Variants in PREX1 observed in about 807,000 individuals in gnomAD.
PREX1 encodes the protein phosphatidylinositol-3,4,5-trisphosphate dependent Rac exchange factor 1, also known as phosphatidylinositol 3,4,5-trisphosphate-dependent Rac exchanger 1 protein.
A neutral mutation model predicts 198.3 loss-of-function variants in PREX1; 41 were observed. That is an observed-to-expected ratio of 0.21 (90% CI 0.16 to 0.27). PREX1 has a LOEUF of 0.27. PREX1 is among the 10% of genes least tolerant of loss of function. PREX1 has a pLI of 1.00. For synonymous variants in PREX1, 843 were observed against 887.2 expected (o/e 0.95, Z 0.89); for missense variants, 1,620 against 2,200.7 (o/e 0.74, Z 5.28).
intron 39 of PREX1, among the ~76,000 whole-genome samples, chr20:48,627,150 A>C (rs1454850036): frequency 6.6e-6 from 1 of 152,008 alleles, no homozygotes; most frequent in African/African-American, 2.4e-5. Flanking sequence ...CAGAATTCTT[A>C]ATTCCACCCC....
In PREX1 at chr20:48,624,894, C is replaced by CTACTCTTTGTAGA. The variant is rs1238760152; in HGVS notation, c.*990_*991insTCTACAAAGAGTA. The CTACTCTTTGTAGA allele has an allele frequency of 1.3e-5, 2 of 152,296 alleles. No individual in the cohort carries two copies. Among genetic ancestry groups the CTACTCTTTGTAGA allele is most frequent in the African/African-American group, 4.8e-5 (2 of 41,462 alleles). The allele number at this position is 152,296 out of a possible 1,614,324, so 9.4% of individuals were successfully genotyped here. A position where few individuals can be genotyped will look rare whatever the true frequency, so the allele number is the denominator to read the frequency against. ...CACCTCTCAGGCCCTTGTAGCCAGT[C>CTACTCTTTGTAGA]ACTCAAAGAGAGCGAGTTCTAACAC... is the stretch of plus-strand genomic sequence containing the variant. On this transcript the variant is annotated 3_prime_UTR_variant, in exon 40 of 40. Coordinates refer to ENST00000371941, the MANE Select transcript of PREX1 (RefSeq NM_020820.4).
the PREX1 span, among the ~76,000 whole-genome samples, chr20:48,882,584 G>T: frequency 0.27 from 40,693 of 149,466 alleles, 5,847 homozygotes; most frequent in Non-Finnish European, 0.32. Context: ...TTGTGTCTCT[G>T]GGGTATATAT....
intron 30 of PREX1, among the ~76,000 whole-genome samples, chr20:48,638,669 G>GC (rs1301269605): frequency 6.6e-6 from 1 of 151,812 alleles, no homozygotes; most frequent in Non-Finnish European, 1.5e-5. Context: ...ACGCCAGGCA[G>GC]CCAGGCCAGA....
chr20:48,804,780 T>C (rs1004660471), intron 1 of PREX1, among the ~76,000 whole-genome samples: 1 of 152,034 alleles, frequency 6.6e-6, no homozygotes, highest in Non-Finnish European at 1.5e-5. Flanking sequence ...CTTGTCCAAG[T>C]TGGAGCTGAC....
chr20:48,843,683 C>T, the PREX1 span, among the ~76,000 whole-genome samples: 1 of 152,314 alleles, frequency 6.6e-6, no homozygotes, highest in East Asian at 1.9e-4. Context: ...CTGTCTTCTC[C>T]AGGCTGAGGG....
the PREX1 span, among the ~76,000 whole-genome samples, chr20:48,873,428 G>A: frequency 3.2e-4 from 48 of 152,084 alleles, no homozygotes; most frequent in Non-Finnish European, 6.3e-4. Flanking sequence ...CAAGCAAGAG[G>A]CCGGGTGCAG....
At chr20:48,875,408 C>T in the PREX1 span, among the ~76,000 whole-genome samples, 3 of 152,246 alleles carry the variant, frequency 2.0e-5, no homozygotes, top group East Asian at 1.9e-4. Flanking sequence ...AGCTGGCAGA[C>T]GCTGGGCTGT....
At position 48,802,011 on chromosome 20, in the gene PREX1, T is replaced by C. The variant is rs927562152; in HGVS notation, c.219+25631A>G. On this transcript the variant is annotated intron_variant, in intron 1 of 39. Transcript: ENST00000371941. ...AGGTCTTCATCAGACACCATGGCCA[T>C]GCCCTTGAACTTCCCAGCCTGTGCA... 4.6e-5 allele frequency among the ~76,000 whole-genome samples: 7 copies of C among 152,312 alleles called. No homozygotes were observed. The South Asian group carries it at 8.3e-4, about 18-fold the overall frequency.
Position 48,639,500 on chromosome 20 carries a change from CTTTGT to C in PREX1, c.3904+261_3904+265del, listed in dbSNP as rs376041001. Among the ~76,000 whole-genome samples, 45 of 152,212 alleles carry C rather than the reference CTTTGT, an allele frequency of 3.0e-4. No homozygotes were observed. In the East Asian group the frequency reaches 7.7e-3, roughly 26 times the overall value. On this transcript the variant is annotated intron_variant, in intron 30 of 39. Coordinates refer to ENST00000371941, the MANE Select transcript of PREX1 (RefSeq NM_020820.4). Reference sequence around the variant, plus strand: ...GCCTTTTCAACCTCCAAAGTCAGGGCTTTGTTTTGTTTTGTTTTGTTTCTGATTTT... The same window carrying C: ...GCCTTTTCAACCTCCAAAGTCAGGGCTTTGTTTTGTTTTGTTTCTGATTTT...
chr20:48,679,799 C>G (rs1365246126), intron 11 of PREX1, 45 bp from the exon 12 acceptor site: 1 of 1,473,682 alleles, frequency 6.8e-7, no homozygotes, highest in Non-Finnish European at 9.5e-7. Flanking sequence ...GCCCCCTCAG[C>G]CCCTCCCAGC....
chr20:48,700,907 C>G lies in PREX1; in HGVS notation c.784-21G>C, dbSNP rs760058138. On this transcript the variant is annotated intron_variant, in intron 6 of 39. Transcript: ENST00000371941. Reference sequence around the variant, plus strand: ...GAACCCTGGAAGCGCAATGAGGACACAGTGAATGAGCCAACCCAGGAACAT... The same window carrying G: ...GAACCCTGGAAGCGCAATGAGGACAGAGTGAATGAGCCAACCCAGGAACAT... 13 of 1,613,884 alleles carry G rather than the reference C, an allele frequency of 8.1e-6. No individual in the cohort carries two copies. The Admixed American group carries it at 2.2e-4, about 27-fold the overall frequency.
intron 1 of PREX1, among the ~76,000 whole-genome samples, chr20:48,802,218 C>T (rs1331200385): frequency 6.6e-6 from 1 of 152,020 alleles, no homozygotes; most frequent in Non-Finnish European, 1.5e-5. Context: ...AAGTCATTCA[C>T]TGTCACTGCC....
chr20:48,706,105 TGGCCACTGAG>T (rs1032118524), intron 6 of PREX1, among the ~76,000 whole-genome samples: 1 of 152,238 alleles, frequency 6.6e-6, no homozygotes, highest in Non-Finnish European at 1.5e-5. Flanking sequence ...CCAGCAACAC[TGGCCACTGAG>T]GGCCACTGAG....
intron 1 of PREX1, among the ~76,000 whole-genome samples, chr20:48,818,046 T>C (rs2090466438): frequency 6.6e-6 from 1 of 151,938 alleles, no homozygotes; most frequent in Non-Finnish European, 1.5e-5. Context: ...GTCAAGAACA[T>C]GATTTTGAGC....
the PREX1 span, among the ~76,000 whole-genome samples, chr20:48,845,702 C>CAAAAAA: frequency 2.9e-5 from 3 of 103,030 alleles, no homozygotes; most frequent in African/African-American, 1.1e-4. Context: ...ACCTTGTTTC[C>CAAAAAA]AAAAAAAAAA....
chr20:48,740,326 T>C (rs1216553262), intron 3 of PREX1, among the ~76,000 whole-genome samples: 1 of 152,226 alleles, frequency 6.6e-6, no homozygotes, highest in Non-Finnish European at 1.5e-5. Flanking sequence ...CCCCAGGTGC[T>C]GGGAGTGCTG....
At chr20:48,814,046 A>C (rs1422925422) in intron 1 of PREX1, among the ~76,000 whole-genome samples, 1 of 152,134 alleles carries the variant, frequency 6.6e-6, no homozygotes, top group Non-Finnish European at 1.5e-5. Context: ...AAAACTTTCC[A>C]ATCCCTTTGC....
At chr20:48,639,375 T>C (rs1370071905) in intron 30 of PREX1, among the ~76,000 whole-genome samples, 1 of 152,232 alleles carries the variant, frequency 6.6e-6, no homozygotes, top group Non-Finnish European at 1.5e-5. Flanking sequence ...TCTGTGGGCC[T>C]GAATCTGGTC....
At chr20:48,844,679 A>G in the PREX1 span, among the ~76,000 whole-genome samples, 4 of 152,104 alleles carry the variant, frequency 2.6e-5, no homozygotes, top group African/African-American at 4.8e-5. Context: ...GGACCCACGA[A>G]CGGAGACCGT....
Sources: allele counts gnomAD v4.1 joint callset (sites outside exome capture counted in the v4.1 genomes callset), GRCh38; gene constraint gnomAD v4.1.1; transcripts MANE v1.5; gene names NCBI Gene and HGNC (gene_info 2026-07-23, HGNC 2026-07-21).